ZNF383: variants seen among roughly 807,000 people sequenced by gnomAD.
The protein encoded by ZNF383 is zinc finger protein 383.
In ZNF383, 32 loss-of-function variants were observed where a neutral mutation model predicts 44.2. The observed-to-expected ratio is 0.72, with a 90% CI of 0.55 to 0.97. The LOEUF (loss-of-function observed/expected upper bound fraction) is 0.97, where lower values mean the gene tolerates loss of function less well. Ranked by LOEUF, ZNF383 falls within the 50% of genes least tolerant of loss-of-function variation. The pLI is 0.00. For synonymous variants in ZNF383, 155 were observed against 186.2 expected (o/e 0.83, Z 1.36); for missense variants, 487 against 562.5 (o/e 0.87, Z 1.36).
rs1342170811 is a variant in ZNF383, at chr19:37,242,627, C to T, written c.391C>T (p.Leu131=). The change falls in exon 6 of 6, where the codon CTG becomes TTG. Residue 131 remains leucine (L), a synonymous_variant. Transcript: ENST00000684119. The part of the protein sequence containing the change: ...LEYRSHLAKQ[L]GYPNGHFSQE... ...ATATAGAAGCCACCTTGCAAAACAA[C>T]TGGGATATCCAAATGGGCATTTTAG... 6.2e-6 allele frequency: 10 copies of T among 1,614,070 alleles called. No homozygotes were observed. In the East Asian group the frequency reaches 2.0e-4, roughly 32 times the overall value.
intron 3 of ZNF383, among the ~76,000 whole-genome samples, 194 bp from the exon 4 acceptor site, chr19:37,235,355 C>T (rs1031162183): frequency 2.6e-5 from 4 of 151,834 alleles, no homozygotes; most frequent in East Asian, 1.9e-4. Flanking sequence ...ATTTCTAGGC[C>T]GTTTCAATGG....
Position 37,243,157 on chromosome 19 carries a change from G to C in ZNF383, c.921G>C (p.Glu307Asp). ...LFQHARIHTG[E>D]KPYECKECGK... ...AGCATGCACGAATTCATACAGGTGAGAAACCCTATGAATGTAAGGAATGTG... is the reference window on the plus strand; with the variant it reads ...AGCATGCACGAATTCATACAGGTGACAAACCCTATGAATGTAAGGAATGTG... Residue 307 changes from glutamate to aspartate, a missense_variant, in exon 6 of 6, where the codon GAG becomes GAC. Glu to Asp is a conservative substitution (Grantham distance 45). Transcript: ENST00000684119. The C allele has an allele frequency of 6.2e-7, 1 of 1,614,088 alleles. No homozygotes were observed. The highest frequency in any genetic ancestry group is 1.3e-5 in the African/African-American group (1 of 75,036).
rs1314911837 is a variant in ZNF383, at chr19:37,242,573, G to C, written c.337G>C (p.Glu113Gln). The C allele has an allele frequency of 6.2e-7, 1 of 1,613,890 alleles. No homozygotes were observed. Among genetic ancestry groups the C allele is most frequent in the Admixed American group, 1.7e-5 (1 of 59,994 alleles). The change falls in exon 6 of 6, where the codon GAG becomes CAG. Residue 113 changes from glutamate to glutamine, a missense_variant. Glu to Gln is a conservative substitution (Grantham distance 29). Transcript: ENST00000684119. Reference sequence around the variant, plus strand: ...AATGGGACTTACAAAGCATGGCCTTGAGTACTCCAGTTTTGGAGATGTTTT... The same window carrying C: ...AATGGGACTTACAAAGCATGGCCTTCAGTACTCCAGTTTTGGAGATGTTTT... ...EIMGLTKHGL[E>Q]YSSFGDVLEY...
intron 5 of ZNF383, 95 bp from the exon 6 acceptor site, chr19:37,242,374 A>C: frequency 1.3e-6 from 1 of 759,882 alleles, no homozygotes; most frequent in South Asian, 1.9e-5. Flanking sequence ...TACCTAGTAG[A>C]TACTATTCTT....
intron 2 of ZNF383, among the ~76,000 whole-genome samples, chr19:37,229,803 T>TATATA (rs1555782563): frequency 1.1e-3 from 82 of 73,668 alleles, no homozygotes; most frequent in African/African-American, 4.4e-3. Flanking sequence ...TATATATATA[T>TATATA]TTTTTTTTTT....
chr19:37,244,758 T>C lies in ZNF383; in HGVS notation c.*1094T>C, dbSNP rs1380515097. ...AAATTACAAACTAAAAAGCCAAAAT[T>C]AATTGTAATCATACTTATAGATGGC... On this transcript the variant is annotated 3_prime_UTR_variant, in exon 6 of 6. Transcript: ENST00000684119. 3 of 152,186 alleles carry C rather than the reference T, an allele frequency of 2.0e-5. No individual in the cohort carries two copies. Among genetic ancestry groups the C allele is most frequent in the Non-Finnish European group, 4.4e-5 (3 of 68,042 alleles). The allele number at this position is 152,186 out of a possible 1,614,324, so 9.4% of individuals were successfully genotyped here.
At chr19:37,236,335 C>G (rs548122700) in intron 5 of ZNF383, among the ~76,000 whole-genome samples, 34 of 152,028 alleles carry the variant, frequency 2.2e-4, no homozygotes, top group Admixed American at 4.6e-4. Flanking sequence ...AAAAAAAACC[C>G]TATTTTACCC....
intron 2 of ZNF383, among the ~76,000 whole-genome samples, chr19:37,228,001 C>T (rs1250256649): frequency 6.6e-6 from 1 of 152,214 alleles, no homozygotes; most frequent in Non-Finnish European, 1.5e-5. Context: ...GAAGACAGGC[C>T]TCTGGATGGC....
At chr19:37,228,399 G>A (rs1280118116) in intron 2 of ZNF383, among the ~76,000 whole-genome samples, 2 of 151,250 alleles carry the variant, frequency 1.3e-5, no homozygotes, top group East Asian at 3.9e-4. Flanking sequence ...AAAGAGTAAT[G>A]CTACAAACTA....
At chr19:37,241,677 C>T (rs555912741) in intron 5 of ZNF383, among the ~76,000 whole-genome samples, 11 of 151,966 alleles carry the variant, frequency 7.2e-5, no homozygotes, top group Non-Finnish European at 1.2e-4. Flanking sequence ...GTAATCAGAC[C>T]CCACCCTGAA....
intron 2 of ZNF383, among the ~76,000 whole-genome samples, chr19:37,228,484 A>C (rs1973293088): frequency 6.6e-6 from 1 of 151,858 alleles, no homozygotes; most frequent in Admixed American, 6.6e-5. Context: ...TCTTTATTAT[A>C]CTAAAACAGC....
In ZNF383 at chr19:37,243,846, G is replaced by C. The variant is rs150462324; in HGVS notation, c.*182G>C. 2.1e-6 allele frequency: 1 copy of C among 468,418 alleles called. No homozygotes were observed. The highest frequency in any genetic ancestry group is 2.0e-5 in the African/African-American group (1 of 51,078). 29.0% of individuals were successfully genotyped at this position (468,418 alleles called of 1,614,324 possible). ...TCCCTCTCTCCCCCAGTCATATACC[G>C]ATGCCAGCTGTTCTATAATTCTTTC... On this transcript the variant is annotated 3_prime_UTR_variant, in exon 6 of 6. Transcript: ENST00000684119.
chr19:37,239,275 C>T (rs144774004), intron 5 of ZNF383, among the ~76,000 whole-genome samples: 4 of 152,006 alleles, frequency 2.6e-5, no homozygotes, highest in South Asian at 2.1e-4. Context: ...TTCTTCCTAT[C>T]GTGATGTATG....
chr19:37,242,748 A>C lies in ZNF383; in HGVS notation c.512A>C (p.Glu171Ala). The change falls in exon 6 of 6, where the codon GAA becomes GCA. Residue 171 changes from glutamate (E) to alanine (A), a missense_variant. Glu to Ala is a moderately radical substitution (Grantham distance 107). Transcript: ENST00000684119. Reference protein sequence around the residue: ...QIINNEDRPYECKKCGKAFSQ... With the variant: ...QIINNEDRPYACKKCGKAFSQ... Reference sequence around the variant, plus strand: ...ATTAATAATGAAGACAGACCCTATGAATGTAAGAAATGTGGAAAGGCCTTT... The same window carrying C: ...ATTAATAATGAAGACAGACCCTATGCATGTAAGAAATGTGGAAAGGCCTTT... The C allele has an allele frequency of 6.2e-7, 1 of 1,614,150 alleles. No homozygotes were observed. The highest frequency in any genetic ancestry group is 8.5e-7 in the Non-Finnish European group (1 of 1,180,006).
rs73627726 is a variant in ZNF383, at chr19:37,222,367, G to T, written c.-167-2451G>T. On this transcript the variant is annotated intron_variant, in intron 1 of 5. Transcript: ENST00000684119. ...TATTATTGCTGTTTAAAATTCTGTT[G>T]TATGAATATAACACTTTTTTTTGTT... Among the ~76,000 whole-genome samples, 1,368 of 152,098 alleles carry T rather than the reference G, an allele frequency of 9.0e-3. 20 individuals are homozygous for T. The highest frequency in any genetic ancestry group is 0.031 in the African/African-American group (1,292 of 41,520).
Position 37,243,619 on chromosome 19 carries a change from T to C in ZNF383, c.1383T>C (p.Ser461=). 1 of 1,592,804 alleles carries C rather than the reference T, an allele frequency of 6.3e-7. No homozygotes were observed. The highest frequency in any genetic ancestry group is 8.6e-7 in the Non-Finnish European group (1 of 1,167,462). Residue 461 remains serine, a synonymous_variant, in exon 6 of 6, where the codon AGT becomes AGC. Transcript: ENST00000684119. Reference sequence around the variant, plus strand: ...AGGAATGTGGGAAGGCTTTTAGTAGTGGCTCGGATCTCATTCGTCATCAGG... The same window carrying C: ...AGGAATGTGGGAAGGCTTTTAGTAGCGGCTCGGATCTCATTCGTCATCAGG... ...NCKECGKAFS[S]GSDLIRHQGI... is the part of the protein sequence containing the mutation.
At position 37,243,642 on chromosome 19, in the gene ZNF383, A is replaced by G. The variant is rs1974250721; in HGVS notation, c.1406A>G (p.Gln469Arg). 6.4e-7 allele frequency: 1 copy of G among 1,553,744 alleles called. No individual in the cohort carries two copies. Among genetic ancestry groups the G allele is most frequent in the South Asian group, 1.2e-5 (1 of 81,298 alleles). ...AGTGGCTCGGATCTCATTCGTCATCAGGGAATTCATACTAATAAATAATAA... is the reference window on the plus strand; with the variant it reads ...AGTGGCTCGGATCTCATTCGTCATCGGGGAATTCATACTAATAAATAATAA... ...FSSGSDLIRH[Q>R]GIHTNK is the part of the protein sequence containing the mutation. The change falls in exon 6 of 6, where the codon CAG becomes CGG. Residue 469 changes from glutamine to arginine, a missense_variant. Gln to Arg is a conservative substitution (Grantham distance 43, BLOSUM62 1). Transcript: ENST00000684119.
rs1974390217 is a variant in ZNF383 at position 37,246,843 on chromosome 19, T to G, written c.*3179T>G. On this transcript the variant is annotated 3_prime_UTR_variant, in exon 6 of 6. Coordinates refer to ENST00000684119, the MANE Select transcript of ZNF383 (RefSeq NM_001387601.1). The stretch of plus-strand genomic sequence containing the variant: ...TCTGAAACCCTGAAAATATGATGAG[T>G]AGTAGAAAGCACAGCTGTCAAAAAA... 6.6e-6 allele frequency: 1 copy of G among 151,576 alleles called. No homozygotes were observed. The highest frequency in any genetic ancestry group is 2.4e-5 in the African/African-American group (1 of 41,228). The allele number at this position is 151,576 out of a possible 1,614,324, so 9.4% of individuals were successfully genotyped here.
rs773267856 is a variant in ZNF383, at chr19:37,244,728, G to A, written c.*1064G>A. On this transcript the variant is annotated 3_prime_UTR_variant, in exon 6 of 6. Transcript: ENST00000684119. Reference sequence around the variant, plus strand: ...TTAATTGTTAAGCCAAAATCACAAAGCAAAAAATTACAAACTAAAAAGCCA... The same window carrying A: ...TTAATTGTTAAGCCAAAATCACAAAACAAAAAATTACAAACTAAAAAGCCA... The A allele has an allele frequency of 6.6e-6, 1 of 152,074 alleles. No individual in the cohort carries two copies. The highest frequency in any genetic ancestry group is 1.5e-5 in the Non-Finnish European group (1 of 68,014). 9.4% of individuals were successfully genotyped at this position (152,074 alleles called of 1,614,324 possible). A position where few individuals can be genotyped will look rare whatever the true frequency, so the allele number is the denominator to read the frequency against.
Sources: gnomAD v4.1 joint callset for allele counts (sites outside exome capture counted in the v4.1 genomes callset) on GRCh38, gnomAD v4.1.1 for gene constraint, MANE v1.5 for transcripts, NCBI Gene and HGNC (gene_info 2026-07-23, HGNC 2026-07-21) for gene names.